Variants in SEPTIN10 observed in about 807,000 individuals in gnomAD.
SEPTIN10 encodes the protein septin 10, also known as septin-10.
Under a neutral mutation model 54.8 loss-of-function variants are expected in SEPTIN10, and 66 were observed. That is an observed-to-expected ratio of 1.21 (90% CI 0.99 to 1.48). SEPTIN10 has a LOEUF of 1.48. SEPTIN10 is among the 40% of genes most tolerant of loss of function. The pLI is 0.00. For synonymous variants in SEPTIN10, 161 were observed against 181.0 expected (o/e 0.89, Z 0.89); for missense variants, 620 against 545.6 (o/e 1.14, Z -1.36).
intron 1 of SEPTIN10, among the ~76,000 whole-genome samples, chr2:109,596,295 G>A (rs1451501515): frequency 6.6e-6 from 1 of 152,102 alleles, no homozygotes; most frequent in Admixed American, 6.5e-5. Flanking sequence ...GCTTAGTGTT[G>A]ATAAGTAAAA....
chr2:109,564,286 C>A, intron 8 of SEPTIN10, 80 bp downstream of exon 8: 1 of 1,245,532 alleles, frequency 8.0e-7, no homozygotes, highest in South Asian at 2.7e-5. Flanking sequence ...AGAACACATG[C>A]CCCATCATCC....
chr2:109,572,609 CTTTTTTTTTTT>C (rs60520770), intron 5 of SEPTIN10, among the ~76,000 whole-genome samples: 2,550 of 111,338 alleles, frequency 0.023, 90 homozygotes, highest in African/African-American at 0.089. Flanking sequence ...TTTAAAACAA[CTTTTTTTTTTT>C]TTTTTTTTTT....
intron 5 of SEPTIN10, among the ~76,000 whole-genome samples, chr2:109,570,527 G>GTTT (rs34393876): frequency 5.4e-5 from 8 of 147,200 alleles, no homozygotes; most frequent in African/African-American, 1.7e-4. Context: ...ATTGTATCAG[G>GTTT]TTTTTTTTTT....
chr2:109,587,312 T>A (rs972839433), intron 2 of SEPTIN10, among the ~76,000 whole-genome samples: 1 of 152,162 alleles, frequency 6.6e-6, no homozygotes, highest in African/African-American at 2.4e-5. Context: ...ATAGTTATTA[T>A]CCAAGCTAAA....
At chr2:109,608,840 T>G (rs960892938) in intron 1 of SEPTIN10, among the ~76,000 whole-genome samples, 1 of 152,184 alleles carries the variant, frequency 6.6e-6, no homozygotes, top group African/African-American at 2.4e-5. Flanking sequence ...CAGAAGAAAG[T>G]GTAAGAATTA....
At chr2:109,574,850 A>C (rs1405772547) in intron 4 of SEPTIN10, 83 bp from the exon 5 acceptor site, 23 of 924,698 alleles carry the variant, frequency 2.5e-5, no homozygotes, top group Non-Finnish European at 3.4e-5. Context: ...TTTGAGGTCT[A>C]TATTTTCACT....
intron 10 of SEPTIN10, chr2:109,545,115 T>C (rs1680845097): frequency 1.0e-6 from 1 of 985,292 alleles, no homozygotes; most frequent in Admixed American, 6.1e-5. Flanking sequence ...AGTGAGAGCA[T>C]TAAACCAGAT....
intron 9 of SEPTIN10, among the ~76,000 whole-genome samples, chr2:109,548,217 G>GA (rs1681832449): frequency 6.6e-6 from 1 of 151,680 alleles, no homozygotes; most frequent in Non-Finnish European, 1.5e-5. Context: ...AGCTCCATAG[G>GA]AATCAGCTGT....
At chr2:109,587,032 A>G (rs773326829) in intron 2 of SEPTIN10, among the ~76,000 whole-genome samples, 2 of 152,218 alleles carry the variant, frequency 1.3e-5, no homozygotes, top group Non-Finnish European at 2.9e-5. Flanking sequence ...ACAGTCAAGA[A>G]AGAAAGTCAA....
intron 4 of SEPTIN10, among the ~76,000 whole-genome samples, chr2:109,584,314 A>G (rs1284429205): frequency 6.6e-6 from 1 of 151,766 alleles, no homozygotes; most frequent in Non-Finnish European, 1.5e-5. Flanking sequence ...CGTCTCTACT[A>G]AAAACACAAA....
intron 1 of SEPTIN10, among the ~76,000 whole-genome samples, chr2:109,596,095 G>A (rs777027466): frequency 3.3e-5 from 5 of 152,010 alleles, no homozygotes; most frequent in Non-Finnish European, 5.9e-5. Flanking sequence ...GCAGTGGTGC[G>A]ATCACAGCTC....
intron 1 of SEPTIN10, among the ~76,000 whole-genome samples, chr2:109,594,015 A>C (rs1694707391): frequency 6.6e-6 from 1 of 152,190 alleles, no homozygotes; most frequent in African/African-American, 2.4e-5. Flanking sequence ...TGAAAGGTTG[A>C]GTAATTTACC....
At chr2:109,565,098 ATATAT>A (rs1271660893) in intron 7 of SEPTIN10, among the ~76,000 whole-genome samples, 1 of 152,176 alleles carries the variant, frequency 6.6e-6, no homozygotes. Flanking sequence ...CTACAAATAA[ATATAT>A]TTTATTGTGA....
chr2:109,579,987 G>A (rs1690708497), intron 4 of SEPTIN10, among the ~76,000 whole-genome samples: 1 of 151,766 alleles, frequency 6.6e-6, no homozygotes, highest in Non-Finnish European at 1.5e-5. Context: ...TGGGCGTGGT[G>A]GCAGGCGCCT....
At chr2:109,602,891 G>C (rs996687575) in intron 1 of SEPTIN10, among the ~76,000 whole-genome samples, 6 of 132,308 alleles carry the variant, frequency 4.5e-5, no homozygotes, top group African/African-American at 1.8e-4. Flanking sequence ...AACATAGGCA[G>C]ACCCTGTCTC....
intron 6 of SEPTIN10, among the ~76,000 whole-genome samples, chr2:109,567,160 A>G (rs1687226840): frequency 6.6e-6 from 1 of 152,148 alleles, no homozygotes. Context: ...ATCCCTCACA[A>G]CAACCCTTAA....
chr2:109,544,891 T>C (rs1315670917), intron 10 of SEPTIN10: 1 of 921,380 alleles, frequency 1.1e-6, no homozygotes, highest in East Asian at 1.2e-4. Context: ...GAGCTTGCAT[T>C]GAAAGATCAT....
intron 4 of SEPTIN10, 21 bp downstream of exon 4, chr2:109,585,105 T>C (rs1692169533): frequency 6.8e-7 from 1 of 1,473,518 alleles, no homozygotes; most frequent in Non-Finnish European, 9.1e-7. Flanking sequence ...ACTTGTTTTA[T>C]TACAAGAAGA....
chr2:109,548,839 G>C (rs1225412123), intron 9 of SEPTIN10, among the ~76,000 whole-genome samples: 5 of 140,952 alleles, frequency 3.5e-5, no homozygotes, highest in Non-Finnish European at 7.7e-5. Flanking sequence ...CTGAAAATCA[G>C]AGACTGAGAG....
Sources: allele counts gnomAD v4.1 joint callset (sites outside exome capture counted in the v4.1 genomes callset), GRCh38; gene constraint gnomAD v4.1.1; transcripts MANE v1.5; gene names NCBI Gene and HGNC (gene_info 2026-07-23, HGNC 2026-07-21).